Variants in LDHC observed in about 807,000 individuals in gnomAD.
The protein encoded by LDHC is L-lactate dehydrogenase C chain.
LDHC carries 20 observed loss-of-function variants against 30.2 expected under a neutral mutation model. That is an observed-to-expected ratio of 0.66 (90% confidence interval 0.47 to 0.96). The LOEUF (loss-of-function observed/expected upper bound fraction) is 0.96. Among genes scored for constraint, LDHC ranks in the 40% least tolerant of loss-of-function variants. LDHC has a pLI of 0.00. For missense variants in LDHC, 362 were observed against 394.9 expected, an observed-to-expected ratio of 0.92 and a Z score of 0.71; for synonymous variants, 139 against 132.7, an observed-to-expected ratio of 1.05 and a Z score of -0.32.
At chr11:18,425,375 C>T (rs745419302) in intron 3 of LDHC, among the ~76,000 whole-genome samples, 1 of 151,794 alleles carries the variant, frequency 6.6e-6, no homozygotes, top group Non-Finnish European at 1.5e-5. Context: ...TAATTTTTTT[C>T]ATTAAAAAAT....
chr11:18,413,398 T>A (rs1176222478), intron 2 of LDHC, among the ~76,000 whole-genome samples: 9 of 151,412 alleles, frequency 5.9e-5, no homozygotes, highest in Non-Finnish European at 1.0e-4. Flanking sequence ...TAGGTATTGT[T>A]TTTAACCCTT....
At chr11:18,442,659 TC>T (rs1281247462) in intron 6 of LDHC, among the ~76,000 whole-genome samples, 25 of 107,078 alleles carry the variant, frequency 2.3e-4, no homozygotes, top group South Asian at 1.1e-3. Flanking sequence ...TTTCTCTCTC[TC>T]TTTTTTTTTT....
chr11:18,430,944 G>A (rs567737011), intron 4 of LDHC, among the ~76,000 whole-genome samples: 20 of 151,898 alleles, frequency 1.3e-4, no homozygotes, highest in South Asian at 4.2e-4. Flanking sequence ...CAGAAGGATC[G>A]CTTGAGCCTA....
At chr11:18,434,369 G>A (rs1273892044) in intron 4 of LDHC, among the ~76,000 whole-genome samples, 2 of 152,018 alleles carry the variant, frequency 1.3e-5, no homozygotes, top group Non-Finnish European at 2.9e-5. Flanking sequence ...GTGATTTTTG[G>A]GGGGTGTTGA....
At position 18,451,006 on chromosome 11, in the gene LDHC, G is replaced by C. The variant is rs1310206871; in HGVS notation, c.878G>C (p.Cys293Ser). 2 of 1,595,692 alleles carry C rather than the reference G, an allele frequency of 1.3e-6. No homozygotes were observed. Among genetic ancestry groups the C allele is most frequent in the Non-Finnish European group, 1.7e-6 (2 of 1,174,072 alleles). The stretch of plus-strand genomic sequence containing the variant: ...GAAGAACTCTTTCTCAGTATCCCTT[G>C]TGTCTTGGGGCGGAATGGTGTCTCA... Reference protein sequence around the residue: ...IKEELFLSIPCVLGRNGVSDV... With the variant: ...IKEELFLSIPSVLGRNGVSDV... The change falls in exon 8 of 8, where the codon TGT becomes TCT. Residue 293 changes from cysteine (C) to serine (S), a missense_variant. By Grantham distance (112) the Cys-to-Ser change is moderately radical. Coordinates refer to ENST00000541669, the MANE Select transcript of LDHC (RefSeq NM_017448.5).
chr11:18,451,520 C>T lies in LDHC; in HGVS notation c.*393C>T, dbSNP rs1848655534. 1 of 153,228 alleles carries T rather than the reference C, an allele frequency of 6.5e-6. No homozygotes were observed. The highest frequency in any genetic ancestry group is 2.4e-5 in the African/African-American group (1 of 41,468). The allele number at this position is 153,228 out of a possible 1,614,324, so 9.5% of individuals were successfully genotyped here. A position where few individuals can be genotyped will look rare whatever the true frequency, so the allele number is the denominator to read the frequency against. On this transcript the variant is annotated 3_prime_UTR_variant, in exon 8 of 8. Coordinates refer to ENST00000541669, the MANE Select transcript of LDHC (RefSeq NM_017448.5). ...ATCCGTTAGAGTACCAGCATATTCA[C>T]TTCATTACATTAGCGTCATATGTTT...
chr11:18,429,492 G>A (rs1044763562), intron 3 of LDHC, among the ~76,000 whole-genome samples: 1 of 152,092 alleles, frequency 6.6e-6, no homozygotes, highest in Non-Finnish European at 1.5e-5. Flanking sequence ...TGGGCAAAAG[G>A]GGATGTTAGT....
At chr11:18,424,218 C>G (rs577870981) in intron 3 of LDHC, among the ~76,000 whole-genome samples, 2 of 152,078 alleles carry the variant, frequency 1.3e-5, no homozygotes, top group Non-Finnish European at 2.9e-5. Flanking sequence ...CCTGTCTCTA[C>G]TAAAAATACA....
chr11:18,449,428 TAAAAAAAAAAAAAAAAAAA>T (rs557136321), intron 7 of LDHC, among the ~76,000 whole-genome samples: 1,691 of 48,640 alleles, frequency 0.035, 104 homozygotes, highest in Admixed American at 0.19. Context: ...CACTGTCTCC[TAAAAAAAAAAAAAAAAAAA>T]AAAAAAAAAA....
chr11:18,430,680 A>G (rs541089227), intron 4 of LDHC, among the ~76,000 whole-genome samples: 89 of 152,264 alleles, frequency 5.8e-4, no homozygotes, highest in African/African-American at 2.1e-3. Context: ...TACATTTAAA[A>G]TGCTATTTTG....
chr11:18,425,753 C>T (rs6486427), intron 3 of LDHC, among the ~76,000 whole-genome samples: 74,933 of 151,284 alleles, frequency 0.5, 20,296 homozygotes, highest in South Asian at 0.64. Flanking sequence ...TCCTGGCTAA[C>T]GCGGTGAAAC....
rs570137525 is a variant in LDHC, at chr11:18,437,657, C to T, written c.593-871C>T. Among the ~76,000 whole-genome samples the T allele has an allele frequency of 1.1e-4, 16 of 150,800 alleles. No homozygotes were observed. The East Asian group carries it at 2.4e-3, about 22-fold the overall frequency. Reference sequence around the variant, plus strand: ...GTCCCAGTGACTCGGGAGGCTGAGGCGGGAGAATGGCGTGAACCCGGGAGG... The same window carrying T: ...GTCCCAGTGACTCGGGAGGCTGAGGTGGGAGAATGGCGTGAACCCGGGAGG... On this transcript the variant is annotated intron_variant, in intron 5 of 7. Transcript: ENST00000541669.
At chr11:18,430,246 G>A (rs942874829) in intron 4 of LDHC, among the ~76,000 whole-genome samples, 3 of 151,952 alleles carry the variant, frequency 2.0e-5, no homozygotes, top group Non-Finnish European at 2.9e-5. Context: ...TAATTATTTT[G>A]GGATTCATCC....
chr11:18,427,889 C>T (rs189223956), intron 3 of LDHC, among the ~76,000 whole-genome samples: 120 of 152,080 alleles, frequency 7.9e-4, no homozygotes, highest in Admixed American at 1.4e-3. Flanking sequence ...GTTGGCTAGG[C>T]TGGTCTTGAA....
At chr11:18,426,072 T>C (rs934451671) in intron 3 of LDHC, among the ~76,000 whole-genome samples, 1 of 151,812 alleles carries the variant, frequency 6.6e-6, no homozygotes, top group South Asian at 2.1e-4. Flanking sequence ...TGGCTGTTCA[T>C]GGGCACAATC....
At chr11:18,438,436 G>A (rs1350840838) in intron 5 of LDHC, 92 bp from the exon 6 acceptor site, 2 of 750,506 alleles carry the variant, frequency 2.7e-6, no homozygotes, top group African/African-American at 1.7e-5. Flanking sequence ...AACCATATCA[G>A]GTGGCAACTT....
Position 18,412,794 on chromosome 11 carries a change from T to C in LDHC, c.77T>C (p.Val26Ala). ...DENSQCKITI[V>A]GTGAVGMACA... is the part of the protein sequence containing the mutation. ...AACTCCCAGTGTAAAATTACTATTG[T>C]TGGAACTGGTGCCGTAGGCATGGCT... Residue 26 changes from valine to alanine, a missense_variant, in exon 2 of 8, where the codon GTT (valine) becomes GCT (alanine). Coordinates refer to ENST00000541669, the MANE Select transcript of LDHC (RefSeq NM_017448.5). 1 of 1,614,062 alleles carries C rather than the reference T, an allele frequency of 6.2e-7. No individual in the cohort carries two copies. The highest frequency in any genetic ancestry group is 8.5e-7 in the Non-Finnish European group (1 of 1,179,916).
chr11:18,422,120 TA>T (rs1274253701), intron 3 of LDHC, among the ~76,000 whole-genome samples: 2 of 151,256 alleles, frequency 1.3e-5, no homozygotes, highest in African/African-American at 2.4e-5. Context: ...GCAAGACTGA[TA>T]CAAAAAAACA....
At chr11:18,444,603 GGTATATATAT>G (rs1253055477) in intron 6 of LDHC, among the ~76,000 whole-genome samples, 1 of 75,594 alleles carries the variant, frequency 1.3e-5, no homozygotes, top group Non-Finnish European at 3.0e-5. Context: ...GTGTTCAGGT[GGTATATATAT>G]ATATATATAT....
Sources: gnomAD v4.1 joint callset for allele counts (sites outside exome capture counted in the v4.1 genomes callset) on GRCh38, gnomAD v4.1.1 for gene constraint, MANE v1.5 for transcripts, NCBI Gene and HGNC (gene_info 2026-07-23, HGNC 2026-07-21) for gene names.